The following IFI44L variants were observed in gnomAD, a reference collection of about 807,000 sequenced individuals.
The protein encoded by IFI44L is interferon induced protein 44 like, also known as interferon-induced protein 44-like.
A neutral mutation model predicts 39.3 loss-of-function variants in IFI44L; 40 were observed. That is an observed-to-expected ratio of 1.02 (90% CI 0.79 to 1.33). The LOEUF is 1.33. Among genes scored for constraint, IFI44L ranks in the 40% most tolerant of loss-of-function variants. The probability of loss-of-function intolerance (pLI) is 0.00; values close to 1 mark genes in which losing one functional copy is unlikely to be tolerated. For synonymous variants in IFI44L, 198 were observed against 182.3 expected (o/e 1.09, Z -0.69); for missense variants, 623 against 549.0 (o/e 1.13, Z -1.35).
intron 1 of IFI44L, among the ~76,000 whole-genome samples, chr1:78,621,633 T>C (rs1463517164): frequency 6.6e-6 from 1 of 152,166 alleles, no homozygotes; most frequent in East Asian, 1.9e-4. Context: ...GACTTTGGTA[T>C]AAATTATTGT....
At chr1:78,641,259 G>C (rs1646979985) in intron 7 of IFI44L, 138 bp downstream of exon 7, 10 of 862,352 alleles carry the variant, frequency 1.2e-5, no homozygotes, top group Non-Finnish European at 1.6e-5. Flanking sequence ...TCAATTGCTT[G>C]ATTAATTCAA....
Position 78,635,656 on chromosome 1 carries a change from T to G in IFI44L, c.876+167T>G, listed in dbSNP as rs931245548. ...AATTCATATGAAAAAGTAGAGTGACTATTGTTCTTTTCTGTAACATTGAGA... is the reference window on the plus strand; with the variant it reads ...AATTCATATGAAAAAGTAGAGTGACGATTGTTCTTTTCTGTAACATTGAGA... On this transcript the variant is annotated intron_variant, in intron 5 of 8. Coordinates refer to ENST00000370751, the MANE Select transcript of IFI44L (RefSeq NM_006820.4). 3 of 626,540 alleles carry G rather than the reference T, an allele frequency of 4.8e-6. No individual in the cohort carries two copies. In the Admixed American group the frequency reaches 9.9e-5, roughly 21 times the overall value. The allele number at this position is 626,540 out of a possible 1,614,324, so 38.8% of individuals were successfully genotyped here.
chr1:78,620,495 T>C lies in IFI44L; in HGVS notation c.-87T>C, dbSNP rs1451040499. The C allele has an allele frequency of 3.3e-5, 5 of 152,210 alleles. No individual in the cohort carries two copies. Among genetic ancestry groups the C allele is most frequent in the Non-Finnish European group, 7.3e-5 (5 of 68,034 alleles). 9.4% of individuals were successfully genotyped at this position (152,210 alleles called of 1,614,324 possible). A position where few individuals can be genotyped will look rare whatever the true frequency, so the allele number is the denominator to read the frequency against. ...ACAGATCTCTTAAGAACTTTCTGTC[T>C]CCAAACCGTGGCTGCTCGATAAATC... On this transcript the variant is annotated 5_prime_UTR_variant, in exon 1 of 9. Coordinates refer to ENST00000370751, the MANE Select transcript of IFI44L (RefSeq NM_006820.4).
At chr1:78,641,674 A>AC in intron 8 of IFI44L, 65 bp downstream of exon 8, 1 of 1,607,550 alleles carries the variant, frequency 6.2e-7, no homozygotes, top group Non-Finnish European at 8.5e-7. Context: ...CCTAAGTTAT[A>AC]CATCAGTTAT....
At chr1:78,636,897 C>T (rs1412291725) in intron 5 of IFI44L, 135 bp from the exon 6 acceptor site, 4 of 627,990 alleles carry the variant, frequency 6.4e-6, no homozygotes, top group Non-Finnish European at 1.1e-5. Context: ...AGAGGAGGTG[C>T]TACTGTTTGG....
rs371529821 is a variant in IFI44L, at chr1:78,629,836, A to G, written c.644A>G (p.Asn215Ser). 3.1e-6 allele frequency: 5 copies of G among 1,613,636 alleles called. No individual in the cohort carries two copies. In the African/African-American group the frequency reaches 5.3e-5, roughly 17 times the overall value. Residue 215 changes from asparagine to serine, a missense_variant, in exon 4 of 9, where the codon AAT becomes AGT. By Grantham distance (46) the Asn-to-Ser change is conservative. Transcript: ENST00000370751. ...GGGTCTGGAAAGTCCAGTTTTTTCA[A>G]TTCAGTCAAGTCTATTTTTCATGGC... is the stretch of plus-strand genomic sequence containing the variant. Reference protein sequence around the residue: ...PVGSGKSSFFNSVKSIFHGHV... With the variant: ...PVGSGKSSFFSSVKSIFHGHV...
At chr1:78,623,399 T>G (rs1285036351) in intron 1 of IFI44L, among the ~76,000 whole-genome samples, 13 of 11,590 alleles carry the variant, frequency 1.1e-3, no homozygotes, top group African/African-American at 1.5e-3. Flanking sequence ...GTTTTTTGTT[T>G]TTTTTTTTTT....
At position 78,637,097 on chromosome 1, in the gene IFI44L, C is replaced by A. The variant is rs1257381347; in HGVS notation, c.942C>A (p.Asp314Glu). Residue 314 changes from aspartate to glutamate, a missense_variant, in exon 6 of 9, where the codon GAC (aspartate) becomes GAA (glutamate). By Grantham distance (45) the Asp-to-Glu change is conservative. Transcript: ENST00000370751. ...STFITSPSLK[D>E]RIHCVAYVLD... ...TTATCACCTCTCCATCTCTGAAGGA[C>A]AGGATTCACTGTGTGGCTTATGTCT... 2 of 1,610,342 alleles carry A rather than the reference C, an allele frequency of 1.2e-6. No individual in the cohort carries two copies. Among genetic ancestry groups the A allele is most frequent in the African/African-American group, 1.3e-5 (1 of 74,794 alleles).
rs530666168 is a variant in IFI44L at position 78,641,155 on chromosome 1, T to C, written c.1149+34T>C. The C allele has an allele frequency of 1.2e-5, 16 of 1,357,060 alleles. No homozygotes were observed. In the East Asian group the frequency reaches 3.7e-4, roughly 31 times the overall value. The allele number at this position is 1,357,060 out of a possible 1,614,324, so 84.1% of individuals were successfully genotyped here. A position where few individuals can be genotyped will look rare whatever the true frequency, so the allele number is the denominator to read the frequency against. On this transcript the variant is annotated intron_variant, in intron 7 of 8. Transcript: ENST00000370751. ...TGCTGATCATAACCAGATATTATTG[T>C]AATAGTATCACAATCATACGTGTGT...
intron 5 of IFI44L, chr1:78,636,829 G>C: frequency 2.2e-6 from 1 of 458,378 alleles, no homozygotes; most frequent in Non-Finnish European, 3.8e-6. Context: ...GCAATAAAGT[G>C]TTTTTTTTCC....
Position 78,620,467 on chromosome 1 carries a change from G to A in IFI44L, c.-115G>A, listed in dbSNP as rs1652234438. 1 of 152,124 alleles carries A rather than the reference G, an allele frequency of 6.6e-6. No individual in the cohort carries two copies. The highest frequency in any genetic ancestry group is 2.1e-4 in the South Asian group (1 of 4,830). 9.4% of individuals were successfully genotyped at this position (152,124 alleles called of 1,614,324 possible). ...TTCTTTCTTTCCTAGAGTCTCTGAA[G>A]CCACAGATCTCTTAAGAACTTTCTG... On this transcript the variant is annotated 5_prime_UTR_variant, in exon 1 of 9. Coordinates refer to ENST00000370751, the MANE Select transcript of IFI44L (RefSeq NM_006820.4).
rs1652563567 is a variant in IFI44L at position 78,628,056 on chromosome 1, G to A, written c.141G>A (p.Gln47=). Residue 47 remains glutamine, a synonymous_variant, in exon 2 of 9, where the codon CAG becomes CAA. Transcript: ENST00000370751. ...ATATGGTTGAAAGATGCAGCCGTCAGGGATGTACTATAACAATGGCTTACA... is the reference window on the plus strand; with the variant it reads ...ATATGGTTGAAAGATGCAGCCGTCAAGGATGTACTATAACAATGGCTTACA... ...IEDMVERCSR[Q]GCTITMAYID... The A allele has an allele frequency of 6.2e-7, 1 of 1,613,254 alleles. No homozygotes were observed. Among genetic ancestry groups the A allele is most frequent in the Non-Finnish European group, 8.5e-7 (1 of 1,179,508 alleles).
chr1:78,629,885 G>C lies in IFI44L; in HGVS notation c.693G>C (p.Val231=). ...FHGHVTGQAV[V]GSDITSITER... is the part of the protein sequence containing the mutation. ...GCCATGTGACTGGCCAAGCCGTAGT[G>C]GGGTCTGATATCACCAGCATAACCG... Residue 231 remains valine (V), a synonymous_variant, in exon 4 of 9, where the codon GTG becomes GTC. Transcript: ENST00000370751. 1.2e-6 allele frequency: 2 copies of C among 1,613,730 alleles called. No homozygotes were observed. Among genetic ancestry groups the C allele is most frequent in the Non-Finnish European group, 1.7e-6 (2 of 1,179,758 alleles).
intron 1 of IFI44L, chr1:78,627,368 C>T (rs1387862882): frequency 2.0e-5 from 3 of 151,550 alleles, no homozygotes; most frequent in Non-Finnish European, 2.9e-5. Context: ...TCTTTATGTG[C>T]TGTTTTTTGC....
At chr1:78,636,668 A>G (rs1272793401) in intron 5 of IFI44L, 5 of 171,930 alleles carry the variant, frequency 2.9e-5, no homozygotes, top group Non-Finnish European at 3.7e-5. Context: ...TCATTTAAGC[A>G]TGCAAAATGC....
rs1436141247 is a variant in IFI44L, at chr1:78,628,377, A to T, written c.462A>T (p.Glu154Asp). ...GCCACCGTCAGTATTTGGAATGTGA[A>T]GTTTTTCGAGTTGAAGGTTTGTAAA... is the stretch of plus-strand genomic sequence containing the variant. ...FYGHRQYLEC[E>D]VFRVEGIKDN... Residue 154 changes from glutamate to aspartate, a missense_variant, in exon 2 of 9, where the codon GAA becomes GAT. Glu to Asp is a conservative substitution (Grantham distance 45). Coordinates refer to ENST00000370751, the MANE Select transcript of IFI44L (RefSeq NM_006820.4). 1.1e-5 allele frequency: 17 copies of T among 1,558,502 alleles called. No individual in the cohort carries two copies. Among genetic ancestry groups the T allele is most frequent in the Non-Finnish European group, 1.2e-5 (14 of 1,152,072 alleles).
Position 78,638,480 on chromosome 1 carries a change from C to T in IFI44L, c.1048+1277C>T, listed in dbSNP as rs369099506. Among the ~76,000 whole-genome samples, 4 of 152,158 alleles carry T rather than the reference C, an allele frequency of 2.6e-5. No homozygotes were observed. In the East Asian group the frequency reaches 5.8e-4, roughly 22 times the overall value. The stretch of plus-strand genomic sequence containing the variant: ...AATTCTAGATATTTTGTTATAGTCT[C>T]ACAATTTATTTATTTATTTTTTATA... On this transcript the variant is annotated intron_variant, in intron 6 of 8. Coordinates refer to ENST00000370751, the MANE Select transcript of IFI44L (RefSeq NM_006820.4).
intron 5 of IFI44L, chr1:78,635,856 G>A: frequency 9.3e-6 from 2 of 213,956 alleles, no homozygotes; most frequent in Non-Finnish European, 1.8e-5. Context: ...GTGTTGAAAT[G>A]TCATTTTATA....
chr1:78,630,979 A>T (rs1652728341), intron 4 of IFI44L, among the ~76,000 whole-genome samples: 2 of 152,164 alleles, frequency 1.3e-5, no homozygotes, highest in African/African-American at 4.8e-5. Context: ...CAGATATCTC[A>T]GAGACCAATG....
Sources: gnomAD v4.1 joint callset for allele counts (sites outside exome capture counted in the v4.1 genomes callset) on GRCh38, gnomAD v4.1.1 for gene constraint, MANE v1.5 for transcripts, NCBI Gene and HGNC (gene_info 2026-07-23, HGNC 2026-07-21) for gene names.